Variants in STPG4 observed in about 807,000 individuals in gnomAD.
STPG4 encodes protein STPG4.
STPG4 carries 41 observed loss-of-function variants against 31.5 expected under a neutral mutation model. The observed-to-expected ratio is 1.30, with a 90% CI of 1.01 to 1.69. STPG4 has a LOEUF of 1.69. Among genes scored for constraint, STPG4 ranks in the 40% most tolerant of loss-of-function variants. STPG4 has a pLI of 0.00. For synonymous variants in STPG4, 141 were observed against 103.0 expected, an observed-to-expected ratio of 1.37 and a Z score of -2.24; for missense variants, 375 against 293.4, an observed-to-expected ratio of 1.28 and a Z score of -2.03.
At chr2:47,116,175 G>C (rs1227269939) in intron 5 of STPG4, among the ~76,000 whole-genome samples, 1 of 152,204 alleles carries the variant, frequency 6.6e-6, no homozygotes, top group African/African-American at 2.4e-5. Flanking sequence ...GCTATGGTTT[G>C]AATGCGTCCC....
At chr2:47,121,077 G>C (rs879413302) in intron 5 of STPG4, 2 of 154,126 alleles carry the variant, frequency 1.3e-5, no homozygotes, top group Admixed American at 6.6e-5. Flanking sequence ...GAAGCAAGCT[G>C]ATTTGCTCCA....
intron 5 of STPG4, among the ~76,000 whole-genome samples, chr2:47,094,094 T>A (rs1267703205): frequency 1.3e-5 from 2 of 152,270 alleles, no homozygotes; most frequent in East Asian, 3.8e-4. Context: ...TTACTGGGGA[T>A]CCTCAAGTGT....
chr2:47,124,839 C>T (rs555009740), intron 5 of STPG4, among the ~76,000 whole-genome samples: 48 of 152,266 alleles, frequency 3.2e-4, no homozygotes, highest in African/African-American at 1.1e-3. Context: ...TCTTGAGGAA[C>T]CTTTGTACTG....
chr2:47,088,055 G>A (rs1375355977), intron 6 of STPG4, among the ~76,000 whole-genome samples: 1 of 151,934 alleles, frequency 6.6e-6, no homozygotes, highest in African/African-American at 2.4e-5. Context: ...ACCCAGCCGG[G>A]GTTTTTTGTT....
chr2:47,125,526 G>T (rs563632446), intron 5 of STPG4, among the ~76,000 whole-genome samples: 6 of 152,240 alleles, frequency 3.9e-5, no homozygotes, highest in Admixed American at 2.6e-4. Context: ...CCCATTATGT[G>T]GGTCGTCTCT....
chr2:47,149,466 C>T lies in STPG4; in HGVS notation c.399+1792G>A, dbSNP rs146352453. On this transcript the variant is annotated intron_variant, in intron 3 of 6. Coordinates refer to ENST00000445927, the MANE Select transcript of STPG4 (RefSeq NM_001163561.2). ...CATAGCCTGGTTATCTGGTAGCAAG[C>T]CATAAAGGTGCTAGTATAATTTAGA... Among the ~76,000 whole-genome samples the T allele has an allele frequency of 1.4e-3, 210 of 152,242 alleles. 1 individual carries two copies. Among genetic ancestry groups the T allele is most frequent in the African/African-American group, 4.8e-3 (201 of 41,548 alleles).
intron 5 of STPG4, among the ~76,000 whole-genome samples, chr2:47,112,387 T>C (rs1259879116): frequency 6.6e-6 from 1 of 152,034 alleles, no homozygotes; most frequent in Non-Finnish European, 1.5e-5. Flanking sequence ...GCCAAGCTGG[T>C]CTCAAACTCC....
At chr2:47,152,398 C>G (rs751681443) in intron 2 of STPG4, among the ~76,000 whole-genome samples, 5 of 152,226 alleles carry the variant, frequency 3.3e-5, no homozygotes, top group Non-Finnish European at 5.9e-5. Flanking sequence ...ACTGAGCACT[C>G]AGCTCAGTTC....
intron 3 of STPG4, among the ~76,000 whole-genome samples, chr2:47,131,693 AG>A (rs1686487899): frequency 6.6e-6 from 1 of 152,172 alleles, no homozygotes; most frequent in Admixed American, 6.5e-5. Context: ...ATGAGATTTG[AG>A]GGAGGCTTTT....
At chr2:47,129,014 G>A (rs566249321) in intron 5 of STPG4, 1 of 152,420 alleles carries the variant, frequency 6.6e-6, no homozygotes, top group East Asian at 1.9e-4. Context: ...TGCCAGAACT[G>A]GGTCCTTCTC....
intron 5 of STPG4, among the ~76,000 whole-genome samples, chr2:47,105,945 G>A (rs1685901478): frequency 1.3e-5 from 2 of 151,956 alleles, no homozygotes; most frequent in Admixed American, 1.3e-4. Context: ...AATACAAAGA[G>A]GTGGGAATCT....
At position 47,087,237 on chromosome 2, in the gene STPG4, T is replaced by A. The variant is rs114829211; in HGVS notation, c.625-107A>T. ...ATGTGGTGGACAAATTCCCCAAGGA[T>A]GAAGACCAGGGCCACACCAGCCTGG... On this transcript the variant is annotated intron_variant, in intron 6 of 6. Transcript: ENST00000445927. 1,547 of 1,331,356 alleles carry A rather than the reference T, an allele frequency of 1.2e-3. 18 individuals carry two copies. The African/African-American group carries it at 0.021, about 18-fold the overall frequency. 82.5% of individuals were successfully genotyped at this position (1,331,356 alleles called of 1,614,324 possible).
intron 1 of STPG4, 70 bp downstream of exon 1, chr2:47,155,101 C>A (rs893232575): frequency 2.1e-6 from 3 of 1,435,084 alleles, no homozygotes; most frequent in South Asian, 1.2e-5. Context: ...GATTAGAGAG[C>A]GGTGGGAAAA....
intron 5 of STPG4, among the ~76,000 whole-genome samples, chr2:47,116,890 G>A (rs1686164091): frequency 6.6e-6 from 1 of 152,136 alleles, no homozygotes; most frequent in Admixed American, 6.5e-5. Context: ...TGGAGTTTCA[G>A]GCATTGCTGC....
intron 3 of STPG4, among the ~76,000 whole-genome samples, chr2:47,147,731 G>A (rs1234241123): frequency 6.6e-6 from 1 of 152,048 alleles, no homozygotes; most frequent in African/African-American, 2.4e-5. Flanking sequence ...GGTCAGTGGA[G>A]GACTACAACA....
chr2:47,106,720 C>T (rs1474177891), intron 5 of STPG4, among the ~76,000 whole-genome samples: 1 of 151,978 alleles, frequency 6.6e-6, no homozygotes, highest in African/African-American at 2.4e-5. Context: ...CAGACAATGC[C>T]TTTCAAATTC....
intron 5 of STPG4, among the ~76,000 whole-genome samples, chr2:47,125,038 T>A (rs974132931): frequency 1.1e-4 from 16 of 152,228 alleles, no homozygotes; most frequent in African/African-American, 3.9e-4. Flanking sequence ...TGAGCACCGT[T>A]TTATACACCT....
intron 5 of STPG4, among the ~76,000 whole-genome samples, chr2:47,117,122 G>T (rs1320241829): frequency 6.6e-6 from 1 of 152,164 alleles, no homozygotes; most frequent in African/African-American, 2.4e-5. Flanking sequence ...CTCTACCTAG[G>T]GTCGGGCACT....
At chr2:47,100,721 C>T (rs1320017860) in intron 5 of STPG4, among the ~76,000 whole-genome samples, 1 of 151,714 alleles carries the variant, frequency 6.6e-6, no homozygotes, top group East Asian at 1.9e-4. Context: ...GCCAGCGAGA[C>T]CATGAGCCCA....
Sources: gnomAD v4.1 joint callset for allele counts (sites outside exome capture counted in the v4.1 genomes callset) on GRCh38, gnomAD v4.1.1 for gene constraint, MANE v1.5 for transcripts, NCBI Gene and HGNC (gene_info 2026-07-23, HGNC 2026-07-21) for gene names.